The following STX12 variants were observed in gnomAD, a reference collection of about 807,000 sequenced individuals.
STX12 encodes syntaxin 12, also known as syntaxin-12.
In STX12, 17 loss-of-function variants were observed where a neutral mutation model predicts 42.2. The ratio of observed to expected loss-of-function variants is 0.40; its 90% CI spans 0.28 to 0.60. The LOEUF (loss-of-function observed/expected upper bound fraction) is 0.60, where lower values mean the gene tolerates loss of function less well. Among genes scored for constraint, STX12 ranks in the 20% least tolerant of loss-of-function variants. The pLI, the probability that STX12 is intolerant of heterozygous loss-of-function variation, is 0.39. For synonymous variants in STX12, 108 were observed against 116.7 expected (o/e 0.93, Z 0.48); for missense variants, 297 against 330.9 (o/e 0.90, Z 0.79).
chr1:27,804,285 G>A (rs1035629918), intron 4 of STX12, among the ~76,000 whole-genome samples: 3 of 151,664 alleles, frequency 2.0e-5, no homozygotes, highest in Admixed American at 6.6e-5. Flanking sequence ...AATTAGCCGC[G>A]CATGGTGGCG....
chr1:27,817,734 A>T (rs956473584), intron 6 of STX12, 117 bp from the exon 7 acceptor site: 2 of 793,200 alleles, frequency 2.5e-6, no homozygotes, highest in African/African-American at 3.5e-5. Flanking sequence ...TGGAGAAAGC[A>T]TGCTTTGTAG....
chr1:27,780,578 C>T (rs57642257), intron 1 of STX12, among the ~76,000 whole-genome samples: 18,660 of 152,106 alleles, frequency 0.12, 3,809 homozygotes, highest in African/African-American at 0.42. Flanking sequence ...GAATCCCTCC[C>T]CTTCCATGTA....
At chr1:27,779,343 G>GTT (rs557848101) in intron 1 of STX12, among the ~76,000 whole-genome samples, 10 of 144,252 alleles carry the variant, frequency 6.9e-5, no homozygotes, top group Middle Eastern at 3.5e-3. Context: ...GTTTTTTTTT[G>GTT]TTTTTTTTTG....
chr1:27,773,435 G>A lies in STX12; in HGVS notation c.118+10G>A. On this transcript the variant is annotated intron_variant, in intron 1 of 8. Transcript: ENST00000373943. ...CGGATCAGCCAAGCCAGTGAGCCGG[G>A]GTACCGAGCTGGGGGGCGGGAGCTG... is the stretch of plus-strand genomic sequence containing the variant. 3 of 1,612,918 alleles carry A rather than the reference G, an allele frequency of 1.9e-6. No individual in the cohort carries two copies. The highest frequency in any genetic ancestry group is 2.5e-6 in the Non-Finnish European group (3 of 1,179,084).
At position 27,774,932 on chromosome 1, in the gene STX12, T is replaced by C. The variant is rs533624211; in HGVS notation, c.118+1507T>C. The stretch of plus-strand genomic sequence containing the variant: ...AATGTATATTGTAGAATTTGAGAAG[T>C]AGAAAGTTTCTGATCAAAAGGGATT... On this transcript the variant is annotated intron_variant, in intron 1 of 8. Coordinates refer to ENST00000373943, the MANE Select transcript of STX12 (RefSeq NM_177424.3). Among the ~76,000 whole-genome samples the C allele has an allele frequency of 9.9e-5, 15 of 152,260 alleles. 1 individual carries two copies. The highest frequency in any genetic ancestry group is 3.4e-3 in the Middle Eastern group (1 of 294).
intron 2 of STX12, among the ~76,000 whole-genome samples, chr1:27,792,153 T>C (rs1448477147): frequency 1.9e-5 from 2 of 105,296 alleles, no homozygotes; most frequent in African/African-American, 1.8e-4. Context: ...TCTATATATG[T>C]GTATCTATAT....
intron 1 of STX12, among the ~76,000 whole-genome samples, chr1:27,779,751 C>T (rs913839661): frequency 6.6e-6 from 1 of 152,054 alleles, no homozygotes; most frequent in African/African-American, 2.4e-5. Context: ...TGTTTCTCAA[C>T]TCTATCTTTC....
At chr1:27,817,034 G>A (rs2088948266) in intron 6 of STX12, among the ~76,000 whole-genome samples, 1 of 145,946 alleles carries the variant, frequency 6.9e-6, no homozygotes, top group Admixed American at 6.9e-5. Flanking sequence ...GAGAGAGAAG[G>A]AAGGAAAGAG....
At chr1:27,820,371 T>G (rs971153360) in intron 8 of STX12, 1 of 152,234 alleles carries the variant, frequency 6.6e-6, no homozygotes, top group Non-Finnish European at 1.5e-5. Context: ...GTTTTTTTCT[T>G]GTAAATTTGT....
intron 4 of STX12, among the ~76,000 whole-genome samples, chr1:27,808,786 C>T (rs2088882049): frequency 6.6e-6 from 1 of 152,188 alleles, no homozygotes. Flanking sequence ...GCTAGTCTTT[C>T]ACCAAATGCC....
At chr1:27,810,002 C>T in intron 4 of STX12, 1 of 362,622 alleles carries the variant, frequency 2.8e-6, no homozygotes, top group East Asian at 4.2e-5. Flanking sequence ...TTCTCCTACG[C>T]ATATTATTCT....
At chr1:27,780,651 A>G (rs932509842) in intron 1 of STX12, among the ~76,000 whole-genome samples, 3 of 152,080 alleles carry the variant, frequency 2.0e-5, no homozygotes, top group African/African-American at 4.8e-5. Flanking sequence ...GAGTGAAATT[A>G]TTAAAAGGGG....
intron 6 of STX12, among the ~76,000 whole-genome samples, chr1:27,812,863 A>G (rs1245023836): frequency 6.6e-6 from 1 of 152,210 alleles, no homozygotes; most frequent in Non-Finnish European, 1.5e-5. Context: ...CATGGAGAAC[A>G]GAACAAGGCA....
At position 27,822,083 on chromosome 1, in the gene STX12, G is replaced by T; in HGVS notation, c.733-148G>T. 3.3e-6 allele frequency: 2 copies of T among 598,092 alleles called. 1 individual carries two copies. The highest frequency in any genetic ancestry group is 4.0e-5 in the South Asian group (2 of 49,386). 37.0% of individuals were successfully genotyped at this position (598,092 alleles called of 1,614,324 possible). On this transcript the variant is annotated intron_variant, in intron 8 of 8. Transcript: ENST00000373943. The stretch of plus-strand genomic sequence containing the variant: ...CTACTACCTAGTGCTGCTGACTTAA[G>T]ATTTCTGGGAAAGTCTGTGCATAAT...
Position 27,793,491 on chromosome 1 carries a change from CAAG to C in STX12, c.189-38_189-36del, listed in dbSNP as rs774314920. ...AAAGTGGTTCTGTGTATAACCCTCT[CAAG>C]AAGTGACAACATCCTGAAACATATC... is the stretch of plus-strand genomic sequence containing the variant. On this transcript the variant is annotated intron_variant, in intron 2 of 8. Transcript: ENST00000373943. 2.6e-6 allele frequency: 4 copies of C among 1,559,180 alleles called. No homozygotes were observed. The East Asian group carries it at 9.0e-5, about 35-fold the overall frequency.
intron 4 of STX12, among the ~76,000 whole-genome samples, chr1:27,809,313 AC>A (rs66880096): frequency 1 from 149,175 of 149,180 alleles, 74,585 homozygotes; most frequent in Middle Eastern, 1. Context: ...CAGCCTCGGG[AC>A]CAGAGTAAGA....
At chr1:27,783,404 A>G (rs1350151680) in intron 1 of STX12, among the ~76,000 whole-genome samples, 3 of 152,138 alleles carry the variant, frequency 2.0e-5, no homozygotes, top group African/African-American at 7.2e-5. Context: ...GCACGATCTC[A>G]GCTTACTGCA....
chr1:27,778,923 CA>C (rs1211299146), intron 1 of STX12, among the ~76,000 whole-genome samples: 2 of 152,116 alleles, frequency 1.3e-5, no homozygotes, highest in African/African-American at 4.8e-5. Flanking sequence ...CTGCGCCTGG[CA>C]AGTTGTAAAA....
intron 5 of STX12, 33 bp downstream of exon 5, chr1:27,810,322 G>A (rs2088894427): frequency 6.3e-7 from 1 of 1,579,048 alleles, no homozygotes; most frequent in Non-Finnish European, 8.7e-7. Context: ...CTGCTGGATA[G>A]TTGAGATGGG....
Sources: gnomAD v4.1 joint callset for allele counts (sites outside exome capture counted in the v4.1 genomes callset) on GRCh38, gnomAD v4.1.1 for gene constraint, MANE v1.5 for transcripts, NCBI Gene and HGNC (gene_info 2026-07-23, HGNC 2026-07-21) for gene names.